MICAL3: variants seen among roughly 807,000 people sequenced by gnomAD.
MICAL3 encodes the protein [F-actin]-monooxygenase MICAL3.
Under a neutral mutation model 207.4 loss-of-function variants are expected in MICAL3, and 62 were observed. The ratio of observed to expected loss-of-function variants is 0.30; its 90% CI spans 0.24 to 0.37. The LOEUF is 0.37. Ranked by LOEUF, MICAL3 falls within the 10% of genes least tolerant of loss-of-function variation. The pLI, the probability that MICAL3 is intolerant of heterozygous loss-of-function variation, is 1.00. For synonymous variants in MICAL3, 1,077 were observed against 1,069.3 expected, an observed-to-expected ratio of 1.01 and a Z score of -0.14; for missense variants, 2,368 against 2,635.6, an observed-to-expected ratio of 0.90 and a Z score of 2.22.
chr22:17,799,119 C>G (rs887710161), intron 29 of MICAL3, among the ~76,000 whole-genome samples: 1 of 152,162 alleles, frequency 6.6e-6, no homozygotes. Context: ...TGCGGTGGCT[C>G]ACACCTGTAA....
At position 17,904,669 on chromosome 22, in the gene MICAL3, G is replaced by A; in HGVS notation, c.435C>T (p.Phe145=). The part of the protein sequence containing the change: ...HDLRGLGAKK[F]YGKFCAGAID... ...TGGCTCCAGCACAGAACTTGCCATAGAACTTCTTGGCACCCAGACCTCGTA... is the reference window on the plus strand; with the variant it reads ...TGGCTCCAGCACAGAACTTGCCATAAAACTTCTTGGCACCCAGACCTCGTA... Residue 145 remains phenylalanine (F), a synonymous_variant, in exon 3 of 32, where the codon TTC becomes TTT. Transcript: ENST00000441493. 1 of 1,614,076 alleles carries A rather than the reference G, an allele frequency of 6.2e-7. No homozygotes were observed. Among genetic ancestry groups the A allele is most frequent in the Non-Finnish European group, 8.5e-7 (1 of 1,179,980 alleles).
chr22:17,876,698 G>GGTTATGGAGGTTAGGGAA (rs1569108770), intron 16 of MICAL3: 7 of 150,522 alleles, frequency 4.7e-5, no homozygotes, highest in Non-Finnish European at 4.4e-5. Flanking sequence ...ACACATGCAG[G>GGTTATGGAGGTTAGGGAA]GTTATGGAGG....
intron 18 of MICAL3, 147 bp from the exon 19 acceptor site, chr22:17,865,133 G>T: frequency 1.9e-6 from 1 of 523,108 alleles, no homozygotes; most frequent in South Asian, 8.6e-5. Context: ...TTATTTAAGA[G>T]ACAGGGCCTT....
chr22:17,834,250 C>G (rs1207888321), intron 20 of MICAL3: 1 of 1,086,772 alleles, frequency 9.2e-7, no homozygotes, highest in African/African-American at 1.7e-5. Flanking sequence ...ACTCGGTGAA[C>G]ATTTCTGAGC....
intron 1 of MICAL3, among the ~76,000 whole-genome samples, chr22:17,993,856 A>C (rs1402153232): frequency 6.6e-6 from 1 of 152,108 alleles, no homozygotes; most frequent in African/African-American, 2.4e-5. Context: ...GGACGGAGGT[A>C]ACCCCGTGGA....
chr22:17,884,377 G>A, intron 16 of MICAL3: 1 of 1,574,546 alleles, frequency 6.4e-7, no homozygotes, highest in Non-Finnish European at 8.6e-7. Flanking sequence ...CACAGGCCAA[G>A]TGTGGGTGGG....
chr22:17,794,087 G>GGGGGCC (rs1569066036), intron 29 of MICAL3, among the ~76,000 whole-genome samples: 53 of 152,268 alleles, frequency 3.5e-4, no homozygotes, highest in African/African-American at 1.2e-3. Context: ...CAGAGGGGGC[G>GGGGGCC]GGGGGCCAGA....
At chr22:17,870,950 T>C (rs547878192) in intron 17 of MICAL3, among the ~76,000 whole-genome samples, 3 of 152,170 alleles carry the variant, frequency 2.0e-5, no homozygotes, top group Non-Finnish European at 4.4e-5. Context: ...CGGCATGGCA[T>C]CCCTCTCCTA....
chr22:17,874,194 G>A (rs1259768046), intron 16 of MICAL3, among the ~76,000 whole-genome samples: 1 of 152,200 alleles, frequency 6.6e-6, no homozygotes, highest in Non-Finnish European at 1.5e-5. Flanking sequence ...AGATTCCCAA[G>A]GATTGGTGCC....
rs768957939 is a variant in MICAL3 at position 17,895,387 on chromosome 22, G to A, written c.1346C>T (p.Pro449Leu). The A allele has an allele frequency of 1.2e-6, 2 of 1,613,768 alleles. No individual in the cohort carries two copies. Among genetic ancestry groups the A allele is most frequent in the East Asian group, 2.2e-5 (1 of 44,878 alleles). Residue 449 changes from proline (P) to leucine (L), a missense_variant, in exon 10 of 32, where the codon CCT becomes CTT. Coordinates refer to ENST00000441493, the MANE Select transcript of MICAL3 (RefSeq NM_015241.3). Reference protein sequence around the residue: ...AERESIYRLLPQTTPENVSKN... With the variant: ...AERESIYRLLLQTTPENVSKN... ...ACTCACATTCTCAGGGGTGGTCTGA[G>A]GCAGCAACCTGTAAATACTTTCCCT...
At chr22:17,867,399 A>G (rs1239228418) in intron 17 of MICAL3, among the ~76,000 whole-genome samples, 1 of 152,172 alleles carries the variant, frequency 6.6e-6, no homozygotes, top group Non-Finnish European at 1.5e-5. Flanking sequence ...TCCTTTTCCC[A>G]TCTGAATAAG....
At chr22:17,822,350 G>T (rs1290447737) in intron 23 of MICAL3, among the ~76,000 whole-genome samples, 180 bp from the exon 24 acceptor site, 1 of 152,226 alleles carries the variant, frequency 6.6e-6, no homozygotes, top group Non-Finnish European at 1.5e-5. Context: ...TGAGGGGCCC[G>T]GCCAAGAGCA....
chr22:17,894,426 A>G (rs975234746), intron 10 of MICAL3, among the ~76,000 whole-genome samples: 27 of 151,170 alleles, frequency 1.8e-4, no homozygotes, highest in African/African-American at 6.6e-4. Flanking sequence ...AAGAAAAGAG[A>G]GAAAAAATTA....
At position 17,866,790 on chromosome 22, in the gene MICAL3, G is replaced by C. The variant is rs185690045; in HGVS notation, c.2429-778C>G. Reference sequence around the variant, plus strand: ...AACGTGCATCCCCGTGGGGGGTGTCGTCAGAAAAATCTGAACACCACTGAA... The same window carrying C: ...AACGTGCATCCCCGTGGGGGGTGTCCTCAGAAAAATCTGAACACCACTGAA... On this transcript the variant is annotated intron_variant, in intron 17 of 31. Coordinates refer to ENST00000441493, the MANE Select transcript of MICAL3 (RefSeq NM_015241.3). Among the ~76,000 whole-genome samples, 52 of 152,340 alleles carry C rather than the reference G, an allele frequency of 3.4e-4. No homozygotes were observed. The East Asian group carries it at 8.1e-3, about 24-fold the overall frequency.
In MICAL3 at chr22:17,861,653, T is replaced by C. The variant is rs1038119058; in HGVS notation, c.2605+3246A>G. On this transcript the variant is annotated intron_variant, in intron 19 of 31. Coordinates refer to ENST00000441493, the MANE Select transcript of MICAL3 (RefSeq NM_015241.3). ...ATTGTTCAAGCTTTTTCTAAAGTCATGGTGGACAGTACAAGGCCAGGGTAA... is the reference window on the plus strand; with the variant it reads ...ATTGTTCAAGCTTTTTCTAAAGTCACGGTGGACAGTACAAGGCCAGGGTAA... The C allele has an allele frequency of 3.2e-5, 32 of 985,468 alleles. No individual in the cohort carries two copies. In the African/African-American group the frequency reaches 4.7e-4, roughly 14 times the overall value. 61.0% of individuals were successfully genotyped at this position (985,468 alleles called of 1,614,324 possible). A position where few individuals can be genotyped will look rare whatever the true frequency, so the allele number is the denominator to read the frequency against.
chr22:17,825,289 A>G (rs1922057485), intron 22 of MICAL3, among the ~76,000 whole-genome samples: 1 of 152,214 alleles, frequency 6.6e-6, no homozygotes, highest in Admixed American at 6.5e-5. Flanking sequence ...AGAAATATCA[A>G]CGCAGCAGCA....
chr22:18,004,591 A>G (rs1923259404), intron 1 of MICAL3: 1 of 152,344 alleles, frequency 6.6e-6, no homozygotes, highest in Admixed American at 6.5e-5. Context: ...ATATTTCCCT[A>G]TCTCCCTGAT....
At chr22:17,986,160 C>T (rs1374814182) in intron 1 of MICAL3, among the ~76,000 whole-genome samples, 2 of 152,212 alleles carry the variant, frequency 1.3e-5, no homozygotes, top group Non-Finnish European at 2.9e-5. Context: ...ACACCTCGGC[C>T]TCCCAAAGTG....
At chr22:17,810,255 G>A (rs1044544531) in intron 28 of MICAL3, among the ~76,000 whole-genome samples, 10 of 151,942 alleles carry the variant, frequency 6.6e-5, no homozygotes, top group South Asian at 6.3e-4. Context: ...GTAGAGACGG[G>A]GGTTTCACCG....
Sources: allele counts gnomAD v4.1 joint callset (sites outside exome capture counted in the v4.1 genomes callset), GRCh38; gene constraint gnomAD v4.1.1; transcripts MANE v1.5; gene names NCBI Gene and HGNC (gene_info 2026-07-23, HGNC 2026-07-21).